The following ZC3H6 variants were observed in gnomAD, a reference collection of about 807,000 sequenced individuals.
The protein encoded by ZC3H6 is zinc finger CCCH-type containing 6.
In ZC3H6, 40 loss-of-function variants were observed where a neutral mutation model predicts 107.7. The ratio of observed to expected loss-of-function variants is 0.37; its 90% CI spans 0.29 to 0.48. ZC3H6 has a LOEUF of 0.48. ZC3H6 is among the 20% of genes least tolerant of loss of function. The pLI, the probability that ZC3H6 is intolerant of heterozygous loss-of-function variation, is 0.98. For synonymous variants in ZC3H6, 493 were observed against 487.9 expected, an observed-to-expected ratio of 1.01 and a Z score of -0.14; for missense variants, 1,267 against 1,410.4, an observed-to-expected ratio of 0.90 and a Z score of 1.63.
In ZC3H6 at chr2:112,336,328, T is replaced by C. The variant is rs1677135712; in HGVS notation, c.*3840T>C. 6.6e-6 allele frequency: 1 copy of C among 152,214 alleles called. No homozygotes were observed. The highest frequency in any genetic ancestry group is 2.4e-5 in the African/African-American group (1 of 41,456). The allele number at this position is 152,214 out of a possible 1,614,324, so 9.4% of individuals were successfully genotyped here. A position where few individuals can be genotyped will look rare whatever the true frequency, so the allele number is the denominator to read the frequency against. ...GTGGGGGTGGTCTGCAGTCATGCAG[T>C]CCACTGATAGGGTCCCCCACCCCGC... On this transcript the variant is annotated 3_prime_UTR_variant, in exon 12 of 12. Transcript: ENST00000409871.
chr2:112,306,234 G>A (rs1347253793), intron 3 of ZC3H6, among the ~76,000 whole-genome samples: 4 of 150,596 alleles, frequency 2.7e-5, no homozygotes, highest in Non-Finnish European at 4.4e-5. Context: ...GTGCAGTGGC[G>A]TGATCTTGGC....
Position 112,331,427 on chromosome 2 carries a change from T to A in ZC3H6, c.2509T>A (p.Phe837Ile). ...AGAAAGAGAACTGAGAGAAAAAGCT[T>A]TCTTAATACCTTTGGATGCCTCACC... ...DTERELREKA[F>I]LIPLDASPGI... Residue 837 changes from phenylalanine to isoleucine, a missense_variant, in exon 12 of 12, where the codon TTC becomes ATC. Transcript: ENST00000409871. 3 of 1,613,780 alleles carry A rather than the reference T, an allele frequency of 1.9e-6. No homozygotes were observed. The highest frequency in any genetic ancestry group is 2.5e-6 in the Non-Finnish European group (3 of 1,179,840).
At position 112,322,829 on chromosome 2, in the gene ZC3H6, T is replaced by C; in HGVS notation, c.1267T>C (p.Phe423Leu). Residue 423 changes from phenylalanine to leucine, a missense_variant, in exon 9 of 12, where the codon TTT becomes CTT. By Grantham distance (22) the Phe-to-Leu change is conservative (BLOSUM62 0). Around this residue, in one of 3 missense-constraint regions of ZC3H6, gnomAD observed 925 missense variants for 1,025.7 expected, o/e 0.90. Coordinates refer to ENST00000409871, the MANE Select transcript of ZC3H6 (RefSeq NM_198581.3). Reference protein sequence around the residue: ...DDFQTDFSDDFRKIPSLFEIV... With the variant: ...DDFQTDFSDDLRKIPSLFEIV... Reference sequence around the variant, plus strand: ...TTTTCAGACAGATTTCTCTGATGATTTTAGGAAAATTCCATCTCTTTTTGA... The same window carrying C: ...TTTTCAGACAGATTTCTCTGATGATCTTAGGAAAATTCCATCTCTTTTTGA... The C allele has an allele frequency of 6.2e-7, 1 of 1,613,776 alleles. No individual in the cohort carries two copies. Among genetic ancestry groups the C allele is most frequent in the Non-Finnish European group, 8.5e-7 (1 of 1,179,838 alleles).
intron 4 of ZC3H6, 27 bp downstream of exon 4, chr2:112,310,188 A>G: frequency 1.9e-6 from 3 of 1,596,038 alleles, no homozygotes; most frequent in Non-Finnish European, 2.6e-6. Context: ...AGTCTGTCTT[A>G]GAATGTGAGA....
intron 1 of ZC3H6, among the ~76,000 whole-genome samples, chr2:112,285,204 A>G (rs1291185527): frequency 1.3e-5 from 2 of 152,294 alleles, no homozygotes; most frequent in South Asian, 4.1e-4. Flanking sequence ...AATAGCATTC[A>G]TAATCATTGT....
chr2:112,309,806 G>A (rs1676560477), intron 3 of ZC3H6, 79 bp from the exon 4 acceptor site: 6 of 1,394,680 alleles, frequency 4.3e-6, no homozygotes, highest in Non-Finnish European at 5.8e-6. Context: ...CTTGCTGGGG[G>A]GAAAAGGATG....
At chr2:112,300,125 CAT>C (rs1483566693) in intron 2 of ZC3H6, 96 bp downstream of exon 2, 41 of 791,098 alleles carry the variant, frequency 5.2e-5, no homozygotes, top group Admixed American at 1.7e-4. Flanking sequence ...TATTATAAAA[CAT>C]GTGGATTAGA....
chr2:112,326,530 A>G lies in ZC3H6; in HGVS notation c.2086+1333A>G, dbSNP rs1400661872. Among the ~76,000 whole-genome samples the G allele has an allele frequency of 2.6e-5, 4 of 152,142 alleles. No individual in the cohort carries two copies. In the South Asian group the frequency reaches 8.3e-4, roughly 32 times the overall value. On this transcript the variant is annotated intron_variant, in intron 11 of 11. Coordinates refer to ENST00000409871, the MANE Select transcript of ZC3H6 (RefSeq NM_198581.3). ...TGACCTCCAGTTCCCTGTTGTTGCA[A>G]ATGACAGGATCTCATTCTTCTTATG...
intron 3 of ZC3H6, among the ~76,000 whole-genome samples, chr2:112,308,735 G>A (rs1263681849): frequency 1.3e-5 from 2 of 149,090 alleles, no homozygotes; most frequent in Admixed American, 1.3e-4. Context: ...CCCGGCCAGA[G>A]TAGTATTTTA....
chr2:112,276,952 A>G (rs955092925), intron 1 of ZC3H6, among the ~76,000 whole-genome samples: 1 of 152,140 alleles, frequency 6.6e-6, no homozygotes, highest in Non-Finnish European at 1.5e-5. Context: ...CTCCTTTGTG[A>G]ATAGAAGTAA....
At chr2:112,315,280 G>A (rs1676676945) in intron 5 of ZC3H6, among the ~76,000 whole-genome samples, 1 of 152,000 alleles carries the variant, frequency 6.6e-6, no homozygotes, top group South Asian at 2.1e-4. Context: ...GTTGAATAGG[G>A]GACTCAGGAG....
chr2:112,276,741 C>T (rs114825314), intron 1 of ZC3H6, among the ~76,000 whole-genome samples: 2,038 of 152,220 alleles, frequency 0.013, 38 homozygotes, highest in African/African-American at 0.043. Context: ...GAGGCACATT[C>T]TTGTTTCCAT....
At chr2:112,306,033 T>G (rs1676471624) in intron 3 of ZC3H6, among the ~76,000 whole-genome samples, 1 of 152,198 alleles carries the variant, frequency 6.6e-6, no homozygotes, top group Admixed American at 6.6e-5. Context: ...ATTAAGTATT[T>G]TTCATACGTA....
chr2:112,339,889 ATAAAT>A lies in ZC3H6; in HGVS notation c.*7404_*7408del, dbSNP rs1677211292. ...CAAGGGGGTATACTTTGCTGAACTG[ATAAAT>A]TATTCTATTAAGGACTAACCCAGTA... is the stretch of plus-strand genomic sequence containing the variant. On this transcript the variant is annotated 3_prime_UTR_variant, in exon 12 of 12. Transcript: ENST00000409871. 1 of 152,182 alleles carries A rather than the reference ATAAAT, an allele frequency of 6.6e-6. No homozygotes were observed. 9.4% of individuals were successfully genotyped at this position (152,182 alleles called of 1,614,324 possible). A position where few individuals can be genotyped will look rare whatever the true frequency, so the allele number is the denominator to read the frequency against.
At chr2:112,316,620 C>A in intron 6 of ZC3H6, 34 bp downstream of exon 6, 2 of 1,330,178 alleles carry the variant, frequency 1.5e-6, no homozygotes, top group Non-Finnish European at 1.0e-6. Flanking sequence ...GTCATTTTAA[C>A]TTCCAAAATA....
rs1328578878 is a variant in ZC3H6 at position 112,322,734 on chromosome 2, A to G, written c.1172A>G (p.Lys391Arg). 1.9e-6 allele frequency: 3 copies of G among 1,613,766 alleles called. No homozygotes were observed. The East Asian group carries it at 6.7e-5, about 36-fold the overall frequency. Residue 391 changes from lysine to arginine, a missense_variant, in exon 9 of 12, where the codon AAA becomes AGA. Transcript: ENST00000409871. ...LRKRGITPLP[K>R]PPPGVGLLPT... ...AAGCGTGGCATAACTCCTCTTCCCA[A>G]ACCACCTCCAGGGGTTGGGCTTCTG...
In ZC3H6 at chr2:112,332,573, ATT is replaced by A; in HGVS notation, c.*87_*88del. 1 of 1,348,740 alleles carries A rather than the reference ATT, an allele frequency of 7.4e-7. No homozygotes were observed. The highest frequency in any genetic ancestry group is 1.0e-6 in the Non-Finnish European group (1 of 1,000,726). The allele number at this position is 1,348,740 out of a possible 1,614,324, so 83.5% of individuals were successfully genotyped here. A position where few individuals can be genotyped will look rare whatever the true frequency, so the allele number is the denominator to read the frequency against. On this transcript the variant is annotated 3_prime_UTR_variant, in exon 12 of 12. Coordinates refer to ENST00000409871, the MANE Select transcript of ZC3H6 (RefSeq NM_198581.3). ...TGTAACTGGTTTACCTCTATAGTTT[ATT>A]TATTTTTAAATTATAAACACTTTTC...
At position 112,321,765 on chromosome 2, in the gene ZC3H6, C is replaced by T. The variant is rs748542585; in HGVS notation, c.986C>T (p.Pro329Leu). 2.0e-6 allele frequency: 3 copies of T among 1,491,968 alleles called. No homozygotes were observed. Among genetic ancestry groups the T allele is most frequent in the East Asian group, 2.4e-5 (1 of 41,230 alleles). 92.4% of individuals were successfully genotyped at this position (1,491,968 alleles called of 1,614,324 possible). Residue 329 changes from proline (P) to leucine (L), a missense_variant, in exon 8 of 12, where the codon CCA (proline) becomes CTA (leucine). Around this residue, in one of 3 missense-constraint regions of ZC3H6, gnomAD observed 925 missense variants for 1,025.7 expected, o/e 0.90. Transcript: ENST00000409871. ...ENCIYMHNEF[P>L]CKFYHSGAKC... is the part of the protein sequence containing the mutation. Reference sequence around the variant, plus strand: ...TAATATTTTTATTTACATGAATTTCCATGCAAGTTCTATCATAGTGGAGCA... The same window carrying T: ...TAATATTTTTATTTACATGAATTTCTATGCAAGTTCTATCATAGTGGAGCA...
In ZC3H6 at chr2:112,310,026, G is replaced by A. The variant is rs778395549; in HGVS notation, c.478G>A (p.Gly160Ser). Residue 160 changes from glycine to serine, a missense_variant, in exon 4 of 12, where the codon GGT becomes AGT. Around this residue, in one of 3 missense-constraint regions of ZC3H6, gnomAD observed 337 missense variants for 361.2 expected, o/e 0.93. Transcript: ENST00000409871. Reference sequence around the variant, plus strand: ...CAGTGATGACAACTTTGGTAACTACGGTCAGGAAACAGAGGAAGATTTTGC... The same window carrying A: ...CAGTGATGACAACTTTGGTAACTACAGTCAGGAAACAGAGGAAGATTTTGC... ...NYSDDNFGNY[G>S]QETEEDFANQ... is the part of the protein sequence containing the mutation. 5.6e-6 allele frequency: 9 copies of A among 1,613,374 alleles called. No individual in the cohort carries two copies. In the East Asian group the frequency reaches 1.3e-4, roughly 24 times the overall value.
Sources: allele counts gnomAD v4.1 joint callset (sites outside exome capture counted in the v4.1 genomes callset), GRCh38; gene constraint gnomAD v4.1.1; regional missense constraint gnomAD v4.1.1; transcripts MANE v1.5; gene names NCBI Gene and HGNC (gene_info 2026-07-23, HGNC 2026-07-21).